Variants in CLDN10 observed in about 807,000 individuals in gnomAD.
The protein encoded by CLDN10 is claudin-10.
A neutral mutation model predicts 22.9 loss-of-function variants in CLDN10; 15 were observed. The observed-to-expected ratio is 0.65, with a 90% CI of 0.44 to 1.01. The LOEUF is 1.01. CLDN10 is among the 50% of genes least tolerant of loss of function. The probability of loss-of-function intolerance (pLI) is 0.00; values close to 1 mark genes in which losing one functional copy is unlikely to be tolerated. For missense variants in CLDN10, 247 were observed against 287.8 expected, an observed-to-expected ratio of 0.86 and a Z score of 1.03; for synonymous variants, 114 against 111.4, an observed-to-expected ratio of 1.02 and a Z score of -0.15.
chr13:95,453,953 A>G (rs1000921181), intron 1 of CLDN10, among the ~76,000 whole-genome samples: 7 of 151,762 alleles, frequency 4.6e-5, no homozygotes, highest in African/African-American at 1.7e-4. Context: ...TCATTCCCCT[A>G]TGCTGGCTTC....
At chr13:95,526,241 C>T (rs191390010) in intron 1 of CLDN10, among the ~76,000 whole-genome samples, 17 of 152,170 alleles carry the variant, frequency 1.1e-4, no homozygotes, top group Admixed American at 4.6e-4. Context: ...CCCCATCTAA[C>T]GTTTTCTCCA....
intron 1 of CLDN10, among the ~76,000 whole-genome samples, chr13:95,517,070 TTC>T (rs980212672): frequency 1.3e-5 from 2 of 149,236 alleles, no homozygotes; most frequent in African/African-American, 5.0e-5. Context: ...TTTTCATTCT[TTC>T]TCTTTCCTTC....
upstream of CLDN10, among the ~76,000 whole-genome samples, chr13:95,549,965 G>A (rs1268412422): frequency 6.6e-6 from 1 of 152,056 alleles, no homozygotes. Context: ...TTCTTCCTGT[G>A]ATGCATACCA....
At position 95,558,645 on chromosome 13, in the gene CLDN10, GC is replaced by G; in HGVS notation, c.221-1485del. ...CTTTTCCAAAGAAACACAGACTGGG[GC>G]CAGGTGCAGTGGCTCATGCCTTTAA... On this transcript the variant is annotated intron_variant, in intron 1 of 4. Transcript: ENST00000299339. Among the ~76,000 whole-genome samples, 4 of 152,324 alleles carry G rather than the reference GC, an allele frequency of 2.6e-5. No individual in the cohort carries two copies. The Middle Eastern group carries it at 0.014, about 518-fold the overall frequency.
intron 3 of CLDN10, among the ~76,000 whole-genome samples, chr13:95,561,212 G>A (rs755199396): frequency 2.0e-5 from 3 of 152,066 alleles, no homozygotes; most frequent in African/African-American, 4.8e-5. Flanking sequence ...GAAGCCTCAC[G>A]TACGTGTGTG....
At chr13:95,448,340 T>G (rs2042400818) in intron 1 of CLDN10, among the ~76,000 whole-genome samples, 1 of 152,046 alleles carries the variant, frequency 6.6e-6, no homozygotes, top group Non-Finnish European at 1.5e-5. Context: ...CAGATGTGCA[T>G]TCACCATACA....
rs568713497 is a variant in CLDN10, at chr13:95,511,257, C to A, written c.215-48875C>A. 2.0e-5 allele frequency among the ~76,000 whole-genome samples: 3 copies of A among 152,094 alleles called. No homozygotes were observed. The East Asian group carries it at 5.8e-4, about 29-fold the overall frequency. On this transcript the variant is annotated intron_variant, in intron 1 of 4. Transcript: ENST00000376873. ...AGATACTGTAAATACAGATTAGTAT[C>A]ATTTATCCAAGCCATTGTGGGATTT...
chr13:95,537,469 G>A (rs1205343957), intron 1 of CLDN10, among the ~76,000 whole-genome samples: 4 of 152,270 alleles, frequency 2.6e-5, no homozygotes, highest in Middle Eastern at 6.8e-3. Flanking sequence ...TACGTTTTCT[G>A]ATGGGGATGA....
At chr13:95,448,287 CAT>C (rs772527487) in intron 1 of CLDN10, among the ~76,000 whole-genome samples, 1 of 152,054 alleles carries the variant, frequency 6.6e-6, no homozygotes, top group Non-Finnish European at 1.5e-5. Flanking sequence ...CATACACAAA[CAT>C]AGCCAGCCAT....
intron 1 of CLDN10, among the ~76,000 whole-genome samples, chr13:95,482,524 G>A (rs1018216463): frequency 3.9e-5 from 6 of 152,096 alleles, no homozygotes; most frequent in African/African-American, 1.4e-4. Context: ...ACCTTCTCGG[G>A]CTGCCTTCAG....
intron 1 of CLDN10, among the ~76,000 whole-genome samples, chr13:95,530,906 T>A (rs2043335522): frequency 6.6e-6 from 1 of 151,330 alleles, no homozygotes; most frequent in African/African-American, 2.4e-5. Flanking sequence ...TAGACTCCAA[T>A]GAGAAGAAAC....
intron 1 of CLDN10, among the ~76,000 whole-genome samples, chr13:95,539,645 CTTTA>C (rs1331598601): frequency 6.6e-6 from 1 of 152,132 alleles, no homozygotes; most frequent in Non-Finnish European, 1.5e-5. Context: ...TACAAGATGG[CTTTA>C]TTTCTTATTG....
At chr13:95,516,997 TCCTTCCTTCCTTCCTTCCTTCCTTCCTC>T (rs1294919051) in intron 1 of CLDN10, among the ~76,000 whole-genome samples, 3 of 146,576 alleles carry the variant, frequency 2.0e-5, no homozygotes, top group Admixed American at 1.4e-4. Flanking sequence ...CTTCCTTCCT[TCCTTCCTTCCTTCCTTCCTTCCTTCCTC>T]CCTCCCTCTC....
chr13:95,487,484 G>A (rs2042816351), intron 1 of CLDN10, among the ~76,000 whole-genome samples: 1 of 152,158 alleles, frequency 6.6e-6, no homozygotes, highest in Admixed American at 6.5e-5. Context: ...TCATGTAGAA[G>A]TTATTCATGT....
chr13:95,566,286 T>G (rs2043787035), intron 3 of CLDN10, among the ~76,000 whole-genome samples: 1 of 152,184 alleles, frequency 6.6e-6, no homozygotes, highest in Admixed American at 6.5e-5. Flanking sequence ...CCCCAGAATC[T>G]GTTGTTTCCT....
At chr13:95,555,814 T>C (rs1173839858) in intron 1 of CLDN10, among the ~76,000 whole-genome samples, 1 of 152,172 alleles carries the variant, frequency 6.6e-6, no homozygotes, top group Admixed American at 6.5e-5. Context: ...CTGTTTGTCC[T>C]CTACCTTGCA....
intron 1 of CLDN10, among the ~76,000 whole-genome samples, chr13:95,547,206 C>T (rs113159234): frequency 0.014 from 2,133 of 152,028 alleles, 50 homozygotes; most frequent in African/African-American, 0.049. Context: ...AACTGTCCTC[C>T]AGTTTTATTT....
chr13:95,467,414 A>T (rs1162984385), intron 1 of CLDN10, among the ~76,000 whole-genome samples: 2 of 152,130 alleles, frequency 1.3e-5, no homozygotes, highest in Non-Finnish European at 2.9e-5. Flanking sequence ...TACTTTTTTT[A>T]AAACTTGGTT....
intron 1 of CLDN10, among the ~76,000 whole-genome samples, chr13:95,503,152 T>C (rs1202525443): frequency 6.6e-6 from 1 of 152,190 alleles, no homozygotes; most frequent in Non-Finnish European, 1.5e-5. Context: ...ATTGGAGATA[T>C]TTAATATATA....
Sources: allele counts gnomAD v4.1 joint callset (sites outside exome capture counted in the v4.1 genomes callset), GRCh38; gene constraint gnomAD v4.1.1; transcripts MANE v1.5; gene names NCBI Gene and HGNC (gene_info 2026-07-23, HGNC 2026-07-21).